SERAC1: variants seen among roughly 807,000 people sequenced by gnomAD.
SERAC1 encodes protein SERAC1.
In SERAC1, 36 loss-of-function variants were observed where a neutral mutation model predicts 85.7. The ratio of observed to expected loss-of-function variants is 0.42; its 90% CI spans 0.32 to 0.55. The LOEUF (loss-of-function observed/expected upper bound fraction) is 0.55, where lower values mean the gene tolerates loss of function less well. Among genes scored for constraint, SERAC1 ranks in the 20% least tolerant of loss-of-function variants. The probability of loss-of-function intolerance (pLI) is 0.11; values close to 1 mark genes in which losing one functional copy is unlikely to be tolerated. For synonymous variants in SERAC1, 242 were observed against 265.3 expected, an observed-to-expected ratio of 0.91 and a Z score of 0.85; for missense variants, 629 against 796.2, an observed-to-expected ratio of 0.79 and a Z score of 2.53.
At position 158,119,014 on chromosome 6, in the gene SERAC1, C is replaced by T; in HGVS notation, c.1308+15G>A. On this transcript the variant is annotated intron_variant, in intron 12 of 16. Transcript: ENST00000647468. The surrounding 1 kb of genome is among the most constrained non-coding windows in gnomAD (Gnocchi z 4.5). ...GGGCCCCAGCAACCAGGGCCAGAGT[C>T]AGTGGCTCCCTTACCTTGGGCCAGC... The T allele has an allele frequency of 6.2e-7, 1 of 1,608,402 alleles. No homozygotes were observed.
At chr6:158,146,336 T>C (rs1785054079) in intron 6 of SERAC1, 1 of 152,870 alleles carries the variant, frequency 6.5e-6, no homozygotes, top group African/African-American at 2.4e-5. Flanking sequence ...TCAAATACTT[T>C]CTATATATAC....
intron 9 of SERAC1, among the ~76,000 whole-genome samples, chr6:158,128,835 G>A (rs1440949637): frequency 6.6e-6 from 1 of 152,114 alleles, no homozygotes; most frequent in Non-Finnish European, 1.5e-5. Flanking sequence ...AATAAAAAGG[G>A]ATTTGAAGTT....
Position 158,120,536 on chromosome 6 carries a change from T to TG in SERAC1, c.1054dup (p.His352ProfsTer42). 6 of 1,613,974 alleles carry TG rather than the reference T, an allele frequency of 3.7e-6. No individual in the cohort carries two copies. Among genetic ancestry groups the TG allele is most frequent in the Non-Finnish European group, 5.1e-6 (6 of 1,179,946 alleles). On this transcript the variant is annotated frameshift_variant, in exon 11 of 17. Coordinates refer to ENST00000647468, the MANE Select transcript of SERAC1 (RefSeq NM_032861.4). LOFTEE classifies it high-confidence loss of function. The surrounding 1 kb of genome is among the most constrained non-coding windows in gnomAD (Gnocchi z 4.4). ...GGCAGCGTGTGAGGACTCCATAATG[T>TG]GGGGAGATTTCATTGCTTCTGCCAT...
intron 10 of SERAC1, among the ~76,000 whole-genome samples, chr6:158,127,020 T>G (rs1784553992): frequency 6.6e-6 from 1 of 150,848 alleles, no homozygotes; most frequent in African/African-American, 2.5e-5. Context: ...ACCACTGCAC[T>G]CTAGCTTCAG....
At chr6:158,115,103 A>G in intron 14 of SERAC1, 132 bp from the exon 15 acceptor site, 1 of 945,374 alleles carries the variant, frequency 1.1e-6, no homozygotes, top group Non-Finnish European at 1.6e-6. Context: ...GGTTTAAACA[A>G]TTCTCTGTAC....
chr6:158,127,376 G>GT (rs1784568211), intron 10 of SERAC1, among the ~76,000 whole-genome samples: 1 of 67,364 alleles, frequency 1.5e-5, no homozygotes, highest in African/African-American at 5.4e-5. Flanking sequence ...GGAGGTGGGG[G>GT]GGTCAGCCCC....
intron 8 of SERAC1, among the ~76,000 whole-genome samples, chr6:158,142,456 G>A (rs1784940380): frequency 6.6e-6 from 1 of 150,628 alleles, no homozygotes; most frequent in African/African-American, 2.4e-5. Context: ...ACAGTTGTGA[G>A]CCACTGCCCT....
intron 8 of SERAC1, among the ~76,000 whole-genome samples, chr6:158,142,847 G>C (rs922797621): frequency 6.6e-6 from 1 of 152,120 alleles, no homozygotes; most frequent in African/African-American, 2.4e-5. Flanking sequence ...ATAGTGAAGG[G>C]CTCCTGAAAT....
chr6:158,115,296 G>T (rs1284304012), intron 14 of SERAC1, among the ~76,000 whole-genome samples: 1 of 152,332 alleles, frequency 6.6e-6, no homozygotes, highest in Non-Finnish European at 1.5e-5. Context: ...CATGAGCGTG[G>T]TGTGGCTGGT....
rs759029732 is a variant in SERAC1, at chr6:158,114,884, T to C, written c.1589A>G (p.Tyr530Cys). 5 of 1,613,988 alleles carry C rather than the reference T, an allele frequency of 3.1e-6. No homozygotes were observed. The South Asian group carries it at 4.4e-5, about 14-fold the overall frequency. ...VINNTRGIIF[Y>C]SVPHHGSRLA... ...ACGTGATCCATGATGAGGGACACTA[T>C]AAAAAATTATTCCTCTGGTATTGTT... Residue 530 changes from tyrosine (Y) to cysteine (C), a missense_variant, in exon 15 of 17, where the codon TAT (tyrosine) becomes TGT (cysteine). Physicochemically the swap from Tyr to Cys is radical, Grantham distance 194. Transcript: ENST00000647468.
rs115846131 is a variant in SERAC1 at position 158,120,454 on chromosome 6, T to A, written c.1137A>T (p.Val379=). The change falls in exon 11 of 17, where the codon GTA becomes GTT. Residue 379 remains valine, a synonymous_variant. Coordinates refer to ENST00000647468, the MANE Select transcript of SERAC1 (RefSeq NM_032861.4). This position sits in a 1 kb window ranked among gnomAD's most constrained non-coding sequence, Gnocchi z 4.4. ...TTCGATATTGGGGATGCAGCACATA[T>A]ACGCCATCCTGATATTTTTCTTGCA... ...ETVQEKYQDG[V]YVLHPQYRTS... is the part of the protein sequence containing the mutation. The A allele has an allele frequency of 3.1e-6, 5 of 1,613,898 alleles. No individual in the cohort carries two copies. The highest frequency in any genetic ancestry group is 4.2e-6 in the Non-Finnish European group (5 of 1,179,952).
intron 10 of SERAC1, among the ~76,000 whole-genome samples, chr6:158,122,652 C>T (rs778901898): frequency 2.6e-5 from 4 of 152,020 alleles, no homozygotes; most frequent in South Asian, 2.1e-4. Flanking sequence ...TGGTGGTGGG[C>T]GCCTGTAATC....
intron 1 of SERAC1, among the ~76,000 whole-genome samples, chr6:158,160,616 G>C (rs1562462287): frequency 6.6e-6 from 1 of 152,126 alleles, no homozygotes; most frequent in Non-Finnish European, 1.5e-5. Flanking sequence ...TCTTTGAATA[G>C]ATGAATTTAA....
At chr6:158,114,638 A>G (rs1784232490) in intron 15 of SERAC1, 151 bp downstream of exon 15, 1 of 1,175,382 alleles carries the variant, frequency 8.5e-7, no homozygotes, top group African/African-American at 1.8e-5. Context: ...AAGAAAAATC[A>G]AGCCCAACCC....
chr6:158,159,590 C>T (rs1785438264), intron 1 of SERAC1, among the ~76,000 whole-genome samples: 1 of 149,980 alleles, frequency 6.7e-6, no homozygotes, highest in African/African-American at 2.4e-5. Flanking sequence ...AAGAGTGTAG[C>T]TTTTAGTTTC....
chr6:158,134,651 A>G (rs1293221582), intron 8 of SERAC1, among the ~76,000 whole-genome samples: 1 of 152,130 alleles, frequency 6.6e-6, no homozygotes, highest in East Asian at 1.9e-4. Context: ...CTTTTCCTAC[A>G]GAAGAATACT....
chr6:158,113,306 G>T, intron 16 of SERAC1, 143 bp downstream of exon 16: 1 of 663,742 alleles, frequency 1.5e-6, no homozygotes, highest in Non-Finnish European at 2.5e-6. Flanking sequence ...ATCTATTGCT[G>T]AAAAGAATAA....
At chr6:158,129,377 T>C (rs1307760399) in intron 9 of SERAC1, among the ~76,000 whole-genome samples, 3 of 152,230 alleles carry the variant, frequency 2.0e-5, no homozygotes, top group South Asian at 2.1e-4. Context: ...ATCTCAAGGA[T>C]GGTGTTTGTC....
chr6:158,137,362 G>A (rs941840480), intron 8 of SERAC1, among the ~76,000 whole-genome samples: 10 of 110,514 alleles, frequency 9.0e-5, no homozygotes, highest in Admixed American at 7.0e-4. Context: ...TAAAGCATTC[G>A]TTGTTTTTTG....
Sources: allele counts gnomAD v4.1 joint callset (sites outside exome capture counted in the v4.1 genomes callset), GRCh38; gene constraint gnomAD v4.1.1; non-coding constraint Gnocchi (gnomAD v3.1); transcripts MANE v1.5; gene names NCBI Gene and HGNC (gene_info 2026-07-23, HGNC 2026-07-21).